Variants in GRIK4 observed in about 807,000 individuals in gnomAD.
GRIK4 encodes the protein glutamate receptor ionotropic, kainate 4.
Under a neutral mutation model 104.9 loss-of-function variants are expected in GRIK4, and 40 were observed. That is an observed-to-expected ratio of 0.38 (90% CI 0.30 to 0.50). GRIK4 has a LOEUF of 0.50. Among genes scored for constraint, GRIK4 ranks in the 20% least tolerant of loss-of-function variants. GRIK4 has a pLI of 0.93. For synonymous variants in GRIK4, 485 were observed against 524.9 expected (o/e 0.92, Z 1.04); for missense variants, 1,047 against 1,308.1 (o/e 0.80, Z 3.08).
chr11:120,597,511 G>T (rs1948819700), intron 1 of GRIK4, among the ~76,000 whole-genome samples: 1 of 152,238 alleles, frequency 6.6e-6, no homozygotes, highest in South Asian at 2.1e-4. Context: ...CCCGTGGCAG[G>T]CAGCAGAGTC....
intron 1 of GRIK4, among the ~76,000 whole-genome samples, chr11:120,529,636 T>C (rs1303793166): frequency 6.6e-6 from 1 of 152,262 alleles, no homozygotes; most frequent in East Asian, 1.9e-4. Flanking sequence ...TCACTTATCC[T>C]TCTGTGAAAC....
chr11:120,570,597 C>G (rs1948386418), intron 1 of GRIK4, among the ~76,000 whole-genome samples: 1 of 152,260 alleles, frequency 6.6e-6, no homozygotes, highest in South Asian at 2.1e-4. Context: ...GCTGGGACTA[C>G]AGGTGCACCA....
intron 1 of GRIK4, among the ~76,000 whole-genome samples, chr11:120,544,894 C>A (rs986657807): frequency 7.9e-5 from 12 of 152,150 alleles, no homozygotes; most frequent in African/African-American, 2.9e-4. Flanking sequence ...AACTGAAGAC[C>A]TAGGGGCAAG....
Position 120,591,461 on chromosome 11 carries a change from C to T in GRIK4, c.-158-62224C>T, listed in dbSNP as rs573497370. On this transcript the variant is annotated intron_variant, in intron 1 of 20. Transcript: ENST00000527524. Reference sequence around the variant, plus strand: ...TCGATCCAACTCCATCCCATGTTCACTCTTCCTCTTGGTGTCTTCCCACTA... The same window carrying T: ...TCGATCCAACTCCATCCCATGTTCATTCTTCCTCTTGGTGTCTTCCCACTA... Among the ~76,000 whole-genome samples, 5 of 152,272 alleles carry T rather than the reference C, an allele frequency of 3.3e-5. No individual in the cohort carries two copies. In the East Asian group the frequency reaches 7.7e-4, roughly 24 times the overall value.
At chr11:120,689,024 A>G (rs1268336597) in intron 3 of GRIK4, among the ~76,000 whole-genome samples, 4 of 152,134 alleles carry the variant, frequency 2.6e-5, no homozygotes. Context: ...ACAAGTAACC[A>G]GATGATCAAT....
chr11:120,795,765 T>A (rs1400961326), intron 3 of GRIK4, among the ~76,000 whole-genome samples: 1 of 152,152 alleles, frequency 6.6e-6, no homozygotes, highest in Non-Finnish European at 1.5e-5. Flanking sequence ...TTACTCTGGG[T>A]TTTTTTAAGT....
In GRIK4 at chr11:120,743,360, G is replaced by C. The variant is rs1057164823; in HGVS notation, c.83-59333G>C. ...TACTATATGTTCTTATTTTTAAGTG[G>C]GAGCTAAATGATGAGAAGTTATGAA... is the stretch of plus-strand genomic sequence containing the variant. On this transcript the variant is annotated intron_variant, in intron 3 of 20. Transcript: ENST00000527524. Among the ~76,000 whole-genome samples, 10 of 152,212 alleles carry C rather than the reference G, an allele frequency of 6.6e-5. No individual in the cohort carries two copies. In the East Asian group the frequency reaches 7.7e-4, roughly 12 times the overall value.
intron 13 of GRIK4, among the ~76,000 whole-genome samples, chr11:120,928,491 G>C (rs1943403508): frequency 6.6e-6 from 1 of 152,144 alleles, no homozygotes; most frequent in African/African-American, 2.4e-5. Flanking sequence ...ACATGCATCT[G>C]CCTGACCCCA....
At chr11:120,877,725 A>G (rs1352800033) in intron 11 of GRIK4, among the ~76,000 whole-genome samples, 2 of 152,190 alleles carry the variant, frequency 1.3e-5, no homozygotes, top group African/African-American at 4.8e-5. Context: ...GTAAGTGGAA[A>G]AAGAAAACGG....
chr11:120,642,048 A>G (rs183162222), intron 1 of GRIK4, among the ~76,000 whole-genome samples: 2 of 152,272 alleles, frequency 1.3e-5, no homozygotes, highest in African/African-American at 4.8e-5. Context: ...CTGTGATCAC[A>G]CTGTCCACTT....
At chr11:120,827,127 G>C (rs1175453230) in intron 6 of GRIK4, among the ~76,000 whole-genome samples, 1 of 152,188 alleles carries the variant, frequency 6.6e-6, no homozygotes, top group Non-Finnish European at 1.5e-5. Flanking sequence ...CAGTAAAGAG[G>C]GAAGGAAGCT....
intron 1 of GRIK4, among the ~76,000 whole-genome samples, chr11:120,531,165 A>T (rs1360849365): frequency 3.3e-5 from 5 of 152,154 alleles, no homozygotes; most frequent in Non-Finnish European, 5.9e-5. Flanking sequence ...AGACTTTTGG[A>T]GGGCTTAGAA....
rs189636157 is a variant in GRIK4, at chr11:120,817,671, T to C, written c.346-2084T>C. 2.0e-5 allele frequency among the ~76,000 whole-genome samples: 3 copies of C among 152,260 alleles called. No homozygotes were observed. The East Asian group carries it at 5.8e-4, about 29-fold the overall frequency. The stretch of plus-strand genomic sequence containing the variant: ...CCTGGGATACATTTGCAATTGCACA[T>C]TGAGTATAGATCGATCTTTGTCCCA... On this transcript the variant is annotated intron_variant, in intron 5 of 20. Transcript: ENST00000527524.
chr11:120,649,041 G>C (rs1425112527), intron 1 of GRIK4, among the ~76,000 whole-genome samples: 1 of 152,164 alleles, frequency 6.6e-6, no homozygotes, highest in Non-Finnish European at 1.5e-5. Context: ...AGTGCTAACT[G>C]GGCTGATGGA....
At chr11:120,950,969 G>A (rs1034593738) in intron 14 of GRIK4, among the ~76,000 whole-genome samples, 3 of 152,154 alleles carry the variant, frequency 2.0e-5, no homozygotes, top group Admixed American at 6.5e-5. Flanking sequence ...TATGCAGACT[G>A]AGCATGGATC....
intron 8 of GRIK4, among the ~76,000 whole-genome samples, chr11:120,848,186 A>G (rs1272531183): frequency 6.6e-6 from 1 of 152,176 alleles, no homozygotes; most frequent in Non-Finnish European, 1.5e-5. Context: ...CAGGGGATGT[A>G]GTAGGCACAG....
In GRIK4 at chr11:120,660,296, G is replaced by T. The variant is rs1949790562; in HGVS notation, c.-23G>T. On this transcript the variant is annotated 5_prime_UTR_variant, in exon 3 of 21. Coordinates refer to ENST00000527524, the MANE Select transcript of GRIK4 (RefSeq NM_014619.5). Reference sequence around the variant, plus strand: ...TTATGTCATGCCCAGGCCAGCAGGGGGCTCCATGAGGATTCATAGAAGATG... The same window carrying T: ...TTATGTCATGCCCAGGCCAGCAGGGTGCTCCATGAGGATTCATAGAAGATG... The T allele has an allele frequency of 2.5e-6, 4 of 1,571,588 alleles. No homozygotes were observed. Among genetic ancestry groups the T allele is most frequent in the Non-Finnish European group, 3.5e-6 (4 of 1,142,466 alleles).
intron 1 of GRIK4, among the ~76,000 whole-genome samples, chr11:120,564,987 G>A (rs965785064): frequency 6.6e-6 from 1 of 152,222 alleles, no homozygotes; most frequent in Non-Finnish European, 1.5e-5. Flanking sequence ...GGGGGGGTGG[G>A]GGGGGTGGGG....
chr11:120,930,607 C>G (rs1943463778), intron 13 of GRIK4, among the ~76,000 whole-genome samples: 1 of 152,198 alleles, frequency 6.6e-6, no homozygotes, highest in African/African-American at 2.4e-5. Context: ...GTGGCATGAG[C>G]ATTGCCTTCT....
Sources: allele counts gnomAD v4.1 joint callset (sites outside exome capture counted in the v4.1 genomes callset), GRCh38; gene constraint gnomAD v4.1.1; transcripts MANE v1.5; gene names NCBI Gene and HGNC (gene_info 2026-07-23, HGNC 2026-07-21).